ZNF568: variants seen among roughly 807,000 people sequenced by gnomAD.
ZNF568 encodes the protein zinc finger protein 568, also known as p53 inhibitor of SCO2 activation.
ZNF568 carries 11 observed loss-of-function variants against 18.1 expected under a neutral mutation model. That is an observed-to-expected ratio of 0.61 (90% CI 0.38 to 1.00). The LOEUF (loss-of-function observed/expected upper bound fraction) is 1.00, where lower values mean the gene tolerates loss of function less well. ZNF568 is among the 50% of genes least tolerant of loss of function. The pLI, the probability that ZNF568 is intolerant of heterozygous loss-of-function variation, is 0.01. For missense variants in ZNF568, 639 were observed against 768.2 expected, an observed-to-expected ratio of 0.83 and a Z score of 1.99; for synonymous variants, 213 against 246.6, an observed-to-expected ratio of 0.86 and a Z score of 1.28.
chr19:36,932,092 G>C (rs1316185125), intron 4 of ZNF568, among the ~76,000 whole-genome samples: 1 of 152,110 alleles, frequency 6.6e-6, no homozygotes, highest in Non-Finnish European at 1.5e-5. Context: ...ATATTCTCTT[G>C]TAGGGATATA....
chr19:36,937,012 G>T, intron 5 of ZNF568, 135 bp from the exon 6 acceptor site: 1 of 1,358,706 alleles, frequency 7.4e-7, no homozygotes, highest in Non-Finnish European at 1.0e-6. Context: ...CAGTGTTAAA[G>T]GCTGATTACT....
At chr19:36,929,113 TA>T (rs2073635977) in intron 4 of ZNF568, among the ~76,000 whole-genome samples, 1 of 136,988 alleles carries the variant, frequency 7.3e-6, no homozygotes, top group African/African-American at 2.8e-5. Context: ...AATGCTTACA[TA>T]ACTTTAGGGA....
chr19:36,922,636 A>G lies in ZNF568; in HGVS notation c.-135A>G. 1.7e-6 allele frequency: 1 copy of G among 584,558 alleles called. No homozygotes were observed. Among genetic ancestry groups the G allele is most frequent in the Non-Finnish European group, 3.0e-6 (1 of 330,830 alleles). 36.2% of individuals were successfully genotyped at this position (584,558 alleles called of 1,614,324 possible). A position where few individuals can be genotyped will look rare whatever the true frequency, so the allele number is the denominator to read the frequency against. On this transcript the variant is annotated 5_prime_UTR_variant, in exon 3 of 7. Coordinates refer to ENST00000333987, the MANE Select transcript of ZNF568 (RefSeq NM_198539.4). ...CATCTGCAGTGCAAATAGAAGTCTG[A>G]GGAACAGGTGTCTTATCATGGAAGG...
chr19:36,940,335 A>G (rs919102021), intron 6 of ZNF568, among the ~76,000 whole-genome samples: 2 of 152,236 alleles, frequency 1.3e-5, no homozygotes, highest in Non-Finnish European at 2.9e-5. Flanking sequence ...ATGGTCCTCA[A>G]TATTTCCAGC....
chr19:36,938,207 A>G (rs2073821716), intron 6 of ZNF568, among the ~76,000 whole-genome samples: 1 of 152,172 alleles, frequency 6.6e-6, no homozygotes, highest in Non-Finnish European at 1.5e-5. Context: ...TGTGTCCTTT[A>G]GAAATGGAGC....
At chr19:36,971,072 G>A (rs913973037) in intron 6 of ZNF568, among the ~76,000 whole-genome samples, 3 of 151,762 alleles carry the variant, frequency 2.0e-5, no homozygotes, top group Admixed American at 1.3e-4. Context: ...ATGAAACCTC[G>A]TCTCTACTAA....
At chr19:36,930,724 C>G (rs1392848585) in intron 4 of ZNF568, among the ~76,000 whole-genome samples, 1 of 152,140 alleles carries the variant, frequency 6.6e-6, no homozygotes, top group Non-Finnish European at 1.5e-5. Context: ...GTCACATTTA[C>G]TGTGTTATTT....
intron 3 of ZNF568, 148 bp downstream of exon 3, chr19:36,922,994 T>C: frequency 1.6e-6 from 1 of 635,478 alleles, no homozygotes; most frequent in Non-Finnish European, 2.7e-6. Flanking sequence ...CATATTCATT[T>C]GACTATTTGA....
intron 6 of ZNF568, among the ~76,000 whole-genome samples, chr19:36,959,951 T>C (rs2074135512): frequency 6.6e-6 from 1 of 152,076 alleles, no homozygotes; most frequent in South Asian, 2.1e-4. Flanking sequence ...TAACCAACTT[T>C]TCATTTTGTG....
chr19:36,942,379 T>C (rs1644633), intron 6 of ZNF568, among the ~76,000 whole-genome samples: 151,735 of 151,740 alleles, frequency 1, 75,865 homozygotes, highest in Middle Eastern at 1. Flanking sequence ...GTGGGCAGAT[T>C]ATGAGGTCAG....
intron 6 of ZNF568, among the ~76,000 whole-genome samples, chr19:36,962,530 G>C (rs934896941): frequency 6.6e-6 from 1 of 151,358 alleles, no homozygotes. Flanking sequence ...TAGTAGAGAC[G>C]GTCTTTTACC....
At chr19:36,969,024 T>A (rs1365222542) in intron 6 of ZNF568, among the ~76,000 whole-genome samples, 1 of 151,908 alleles carries the variant, frequency 6.6e-6, no homozygotes, top group Non-Finnish European at 1.5e-5. Context: ...CCTGTCTAAT[T>A]TTTTGTATTT....
chr19:36,980,681 C>G (rs915713855), downstream of ZNF568, among the ~76,000 whole-genome samples: 4 of 152,140 alleles, frequency 2.6e-5, no homozygotes, highest in African/African-American at 9.7e-5. Context: ...TATTACCCTC[C>G]CAGTATTGAT....
At chr19:36,991,581 C>CT (rs1877194877) in intron 3 of ZNF568, 2 of 648,474 alleles carry the variant, frequency 3.1e-6, no homozygotes, top group African/African-American at 1.8e-5. Flanking sequence ...ATATTGCAAA[C>CT]TTTTTTTCTA....
At chr19:36,991,346 CAATTGGCCTTCTGG>C in intron 3 of ZNF568, 1 of 1,472,352 alleles carries the variant, frequency 6.8e-7, no homozygotes, top group Non-Finnish European at 9.0e-7. Context: ...GCCAAACACA[CAATTGGCCTTCTGG>C]AATTCTTATG....
At position 36,951,278 on chromosome 19, in the gene ZNF568, T is replaced by A; in HGVS notation, c.*190T>A. 1 of 451,566 alleles carries A rather than the reference T, an allele frequency of 2.2e-6. No homozygotes were observed. The highest frequency in any genetic ancestry group is 3.6e-6 in the Non-Finnish European group (1 of 274,104). 28.0% of individuals were successfully genotyped at this position (451,566 alleles called of 1,614,324 possible). ...ATTATAAAAACCTCAATTCTGAAAA[T>A]CTATAGACTGAATGCAGTTCCAAAC... On this transcript the variant is annotated 3_prime_UTR_variant, in exon 7 of 7. Coordinates refer to ENST00000333987, the MANE Select transcript of ZNF568 (RefSeq NM_198539.4).
intron 6 of ZNF568, among the ~76,000 whole-genome samples, chr19:36,970,513 C>A (rs1644638): frequency 0.36 from 54,201 of 151,192 alleles, 9,991 homozygotes; most frequent in African/African-American, 0.41. Context: ...TCCGGCTAAT[C>A]TTTGTAGAAA....
downstream of ZNF568, among the ~76,000 whole-genome samples, chr19:36,954,131 G>A (rs538153897): frequency 6.6e-6 from 1 of 152,112 alleles, no homozygotes; most frequent in East Asian, 1.9e-4. Context: ...GGCTGAGGCA[G>A]GAGAATTGCT....
In ZNF568 at chr19:36,936,939, CTG is replaced by C. The variant is rs1426701580; in HGVS notation, c.262+69_262+70del. The stretch of plus-strand genomic sequence containing the variant: ...TTTCCATTTCTGAAATGTGTGAAGA[CTG>C]TAACTTGCCAGATGAATCTAGCCTT... On this transcript the variant is annotated intron_variant, in intron 5 of 6. Coordinates refer to ENST00000333987, the MANE Select transcript of ZNF568 (RefSeq NM_198539.4). 19 of 1,573,158 alleles carry C rather than the reference CTG, an allele frequency of 1.2e-5. No individual in the cohort carries two copies. In the African/African-American group the frequency reaches 1.6e-4, roughly 13 times the overall value.
Sources: allele counts gnomAD v4.1 joint callset (sites outside exome capture counted in the v4.1 genomes callset), GRCh38; gene constraint gnomAD v4.1.1; transcripts MANE v1.5; gene names NCBI Gene and HGNC (gene_info 2026-07-23, HGNC 2026-07-21).